Variants in PIMREG observed in about 807,000 individuals in gnomAD.
The protein encoded by PIMREG is protein PIMREG.
Under a neutral mutation model 24.3 loss-of-function variants are expected in PIMREG, and 19 were observed. The observed-to-expected ratio is 0.78, with a 90% CI of 0.54 to 1.15. PIMREG has a LOEUF of 1.15. PIMREG is among the 50% of genes most tolerant of loss of function. The probability of loss-of-function intolerance (pLI) is 0.00; values close to 1 mark genes in which losing one functional copy is unlikely to be tolerated. For missense variants in PIMREG, 283 were observed against 306.8 expected (o/e 0.92, Z 0.58); for synonymous variants, 112 against 124.1 (o/e 0.90, Z 0.65).
chr17:6,446,138 A>G (rs551226462), intron 2 of PIMREG: 3 of 401,220 alleles, frequency 7.5e-6, no homozygotes, highest in South Asian at 2.5e-4. Context: ...GTTAGAGGGG[A>G]TTTGCTGTCA....
chr17:6,450,174 G>C, intron 5 of PIMREG, 102 bp downstream of exon 5: 1 of 1,321,182 alleles, frequency 7.6e-7, no homozygotes, highest in Non-Finnish European at 1.1e-6. Context: ...GCACAGCAGA[G>C]TAGGTAGTAC....
chr17:6,444,950 T>TA lies in PIMREG; in HGVS notation c.-35-125dup. 3.0e-6 allele frequency: 2 copies of TA among 657,162 alleles called. No homozygotes were observed. The highest frequency in any genetic ancestry group is 4.8e-6 in the Non-Finnish European group (2 of 415,154). The allele number at this position is 657,162 out of a possible 1,614,324, so 40.7% of individuals were successfully genotyped here. ...GCATCCTCCTTCCTGCACCCACACTTACCAACTCGCCCGCCCCCGCCACCC... is the reference window on the plus strand; with the variant it reads ...GCATCCTCCTTCCTGCACCCACACTTAACCAACTCGCCCGCCCCCGCCACCC... On this transcript the variant is annotated intron_variant, in intron 1 of 5. Transcript: ENST00000572447. This position sits in a 1 kb window ranked among gnomAD's most constrained non-coding sequence, Gnocchi z 4.3.
intron 2 of PIMREG, chr17:6,446,041 A>G (rs1156334975): frequency 2.5e-6 from 1 of 401,070 alleles, no homozygotes; most frequent in Non-Finnish European, 4.4e-6. Flanking sequence ...CATGATGGAG[A>G]AGGGAATAGA....
chr17:6,450,445 G>A lies in PIMREG; in HGVS notation c.*98G>A, dbSNP rs1045211929. 1.8e-5 allele frequency: 28 copies of A among 1,557,862 alleles called. No individual in the cohort carries two copies. Among genetic ancestry groups the A allele is most frequent in the Non-Finnish European group, 2.0e-5 (23 of 1,158,338 alleles). On this transcript the variant is annotated 3_prime_UTR_variant, in exon 6 of 6. Transcript: ENST00000572447. ...TGAGCTTCCTGGAAAAAACCCCCGG[G>A]AGTCGTCAGTACCCCTGGGCCACTG...
At chr17:6,447,869 C>T in intron 3 of PIMREG, 111 bp downstream of exon 3, 5 of 1,162,844 alleles carry the variant, frequency 4.3e-6, no homozygotes, top group Non-Finnish European at 6.0e-6. Flanking sequence ...CTTGGCACCC[C>T]CTGTGGCTAC....
rs1338459048 is a variant in PIMREG, at chr17:6,449,375, A to C, written c.654A>C (p.Gln218His). ...TTCAGCATCTCCAGAAGCTGTCCCA[A>C]GAGCTAGATGAAGCCATTATGGCGG... Reference protein sequence around the residue: ...AGIQHLQKLSQELDEAIMAEE... With the variant: ...AGIQHLQKLSHELDEAIMAEE... Residue 218 changes from glutamine to histidine, a missense_variant, in exon 4 of 6, where the codon CAA (glutamine) becomes CAC (histidine). Gln to His is a conservative substitution (Grantham distance 24). Coordinates refer to ENST00000572447, the MANE Select transcript of PIMREG (RefSeq NM_019013.3). 1 of 1,613,706 alleles carries C rather than the reference A, an allele frequency of 6.2e-7. No individual in the cohort carries two copies. Among genetic ancestry groups the C allele is most frequent in the African/African-American group, 1.3e-5 (1 of 74,928 alleles).
chr17:6,449,400 G>A lies in PIMREG; in HGVS notation c.679G>A (p.Glu227Lys), dbSNP rs1348953288. Residue 227 changes from glutamate (E) to lysine (K), a missense_variant, in exon 4 of 6, where the codon GAA becomes AAA. Glu to Lys is a moderately conservative substitution (Grantham distance 56). Transcript: ENST00000572447. The part of the protein sequence containing the change: ...SQELDEAIMA[E>K]ESGDIVSLIH... ...AGAGCTAGATGAAGCCATTATGGCGGAAGAGAGGTGAGTTGGCATCCCATG... is the reference window on the plus strand; with the variant it reads ...AGAGCTAGATGAAGCCATTATGGCGAAAGAGAGGTGAGTTGGCATCCCATG... 6.2e-7 allele frequency: 1 copy of A among 1,612,854 alleles called. No homozygotes were observed. The highest frequency in any genetic ancestry group is 1.1e-5 in the South Asian group (1 of 90,876).
Position 6,450,463 on chromosome 17 carries a change from G to C in PIMREG, c.*116G>C. On this transcript the variant is annotated 3_prime_UTR_variant, in exon 6 of 6. Transcript: ENST00000572447. ...CCCCCGGGAGTCGTCAGTACCCCTG[G>C]GCCACTGCTAACAAGCACCTAACAA... The C allele has an allele frequency of 6.6e-7, 1 of 1,510,632 alleles. No homozygotes were observed. The highest frequency in any genetic ancestry group is 8.9e-7 in the Non-Finnish European group (1 of 1,121,516). 93.6% of individuals were successfully genotyped at this position (1,510,632 alleles called of 1,614,324 possible). A position where few individuals can be genotyped will look rare whatever the true frequency, so the allele number is the denominator to read the frequency against.
At chr17:6,447,899 G>T in intron 3 of PIMREG, 141 bp downstream of exon 3, 1 of 753,010 alleles carries the variant, frequency 1.3e-6, no homozygotes, top group Non-Finnish European at 2.1e-6. Flanking sequence ...GGGGCACCCT[G>T]AGCAGCGTCA....
Position 6,449,314 on chromosome 17 carries a change from A to G in PIMREG, c.593A>G (p.Glu198Gly), listed in dbSNP as rs1473444703. The change falls in exon 4 of 6, where the codon GAG (glutamate) becomes GGG (glycine). Residue 198 changes from glutamate to glycine, a missense_variant and splice_region_variant. Physicochemically the swap from Glu to Gly is moderately conservative, Grantham distance 98. Transcript: ENST00000572447. ...GTGTGGCTTTTTCTTTCATGCAGCG[A>G]GTCTGACAGTGACCTAGAGCCTGTG... is the stretch of plus-strand genomic sequence containing the variant. ...SSTEPLCSPS[E>G]SDSDLEPVGA... 1 of 1,607,814 alleles carries G rather than the reference A, an allele frequency of 6.2e-7. No individual in the cohort carries two copies. Among genetic ancestry groups the G allele is most frequent in the South Asian group, 1.1e-5 (1 of 90,106 alleles).
chr17:6,448,385 G>C (rs556306642), intron 3 of PIMREG, among the ~76,000 whole-genome samples: 52 of 152,034 alleles, frequency 3.4e-4, no homozygotes, highest in Admixed American at 8.5e-4. Flanking sequence ...GGGGGAAATG[G>C]AGTGTGTTAG....
chr17:6,445,043 C>A (rs909240085), intron 1 of PIMREG, 33 bp from the exon 2 acceptor site: 4 of 1,451,422 alleles, frequency 2.8e-6, no homozygotes, highest in African/African-American at 1.4e-5. Context: ...ATGGGGAATG[C>A]CTTGCTGATC....
At chr17:6,448,000 C>T (rs1310464766) in intron 3 of PIMREG, among the ~76,000 whole-genome samples, 1 of 152,008 alleles carries the variant, frequency 6.6e-6, no homozygotes, top group Admixed American at 6.6e-5. Context: ...AATGAGAAAA[C>T]AGGCTGGGCG....
At chr17:6,450,133 A>G in intron 5 of PIMREG, 61 bp downstream of exon 5, 1 of 1,560,908 alleles carries the variant, frequency 6.4e-7, no homozygotes, top group South Asian at 1.1e-5. Context: ...ATGCATGAGC[A>G]AGTTAAAGAA....
chr17:6,446,609 G>A lies in PIMREG; in HGVS notation c.295-854G>A, dbSNP rs143779297. 3.0e-3 allele frequency among the ~76,000 whole-genome samples: 458 copies of A among 152,242 alleles called. 1 individual carries two copies. Among genetic ancestry groups the A allele is most frequent in the Non-Finnish European group, 4.5e-3 (307 of 68,038 alleles). On this transcript the variant is annotated intron_variant, in intron 2 of 5. Transcript: ENST00000572447. ...AGAAGAGCCTTCACGGCTGTCACCC[G>A]GCTGGTGTGAAAGGCCCAAGAGTTG...
At position 6,447,752 on chromosome 17, in the gene PIMREG, C is replaced by A. The variant is rs947186048; in HGVS notation, c.584C>A (p.Ser195Tyr). 6.3e-7 allele frequency: 1 copy of A among 1,599,618 alleles called. No individual in the cohort carries two copies. Among genetic ancestry groups the A allele is most frequent in the Non-Finnish European group, 8.5e-7 (1 of 1,169,650 alleles). Residue 195 changes from serine to tyrosine, a missense_variant, in exon 3 of 6, where the codon TCT (serine) becomes TAT (tyrosine). Transcript: ENST00000572447. ...SPYSSTEPLC[S>Y]PSESDSDLEP... Reference sequence around the variant, plus strand: ...TACTCCTCAACAGAGCCCCTCTGCTCTCCCAGGCAAGTGGGATAGTGCTTC... The same window carrying A: ...TACTCCTCAACAGAGCCCCTCTGCTATCCCAGGCAAGTGGGATAGTGCTTC...
At chr17:6,445,490 T>C (rs545171821) in intron 2 of PIMREG, 86 bp downstream of exon 2, 4 of 1,418,908 alleles carry the variant, frequency 2.8e-6, no homozygotes, top group Admixed American at 4.6e-5. Context: ...CTCAAGAATA[T>C]AGACTTCATG....
At chr17:6,448,960 G>A (rs542842194) in intron 3 of PIMREG, among the ~76,000 whole-genome samples, 1 of 152,332 alleles carries the variant, frequency 6.6e-6, no homozygotes, top group East Asian at 1.9e-4. Context: ...AAATCCTTTA[G>A]GACCTTAGTT....
In PIMREG at chr17:6,451,406, C is replaced by T. The variant is rs981964566; in HGVS notation, c.*1059C>T. 6.6e-6 allele frequency: 1 copy of T among 152,188 alleles called. No homozygotes were observed. The highest frequency in any genetic ancestry group is 2.4e-5 in the African/African-American group (1 of 41,432). The allele number at this position is 152,188 out of a possible 1,614,324, so 9.4% of individuals were successfully genotyped here. ...TTAGAAATCTGATATCTTACATTAGCGTTTCTAACGGATTTTGTACAAGGC... is the reference window on the plus strand; with the variant it reads ...TTAGAAATCTGATATCTTACATTAGTGTTTCTAACGGATTTTGTACAAGGC... On this transcript the variant is annotated 3_prime_UTR_variant, in exon 6 of 6. Transcript: ENST00000572447.
Sources: gnomAD v4.1 joint callset for allele counts (sites outside exome capture counted in the v4.1 genomes callset) on GRCh38, gnomAD v4.1.1 for gene constraint, Gnocchi (gnomAD v3.1) non-coding constraint, MANE v1.5 for transcripts, NCBI Gene and HGNC (gene_info 2026-07-23, HGNC 2026-07-21) for gene names.